The following UBE2K variants were observed in gnomAD, a reference collection of about 807,000 sequenced individuals.
The protein encoded by UBE2K is ubiquitin-conjugating enzyme E2 K.
Under a neutral mutation model 30.0 loss-of-function variants are expected in UBE2K, and 6 were observed. That is an observed-to-expected ratio of 0.20 (90% CI 0.11 to 0.39). UBE2K has a LOEUF of 0.39. Ranked by LOEUF, UBE2K falls within the 10% of genes least tolerant of loss-of-function variation. UBE2K has a pLI of 1.00. For synonymous variants in UBE2K, 86 were observed against 83.7 expected (o/e 1.03, Z -0.15); for missense variants, 61 against 241.6 (o/e 0.25, Z 4.96).
rs932828852 is a variant in UBE2K, at chr4:39,745,733, G to A, written c.158-19G>A. 5.1e-6 allele frequency: 8 copies of A among 1,570,424 alleles called. No homozygotes were observed. Among genetic ancestry groups the A allele is most frequent in the Non-Finnish European group, 7.0e-6 (8 of 1,147,218 alleles). ...TGAATTGAGCAGCATTCTTAACTTT[G>A]TTTTCCCCATTTTTTTAGGAGGAAG... On this transcript the variant is annotated intron_variant, in intron 2 of 6. Transcript: ENST00000261427.
chr4:39,731,550 C>T (rs145848361), intron 1 of UBE2K, among the ~76,000 whole-genome samples: 2,832 of 151,930 alleles, frequency 0.019, 97 homozygotes, highest in African/African-American at 0.064. Context: ...GGCGTGGTGG[C>T]GGGCGCCTGT....
At chr4:39,712,130 C>T (rs1174502496) in intron 1 of UBE2K, among the ~76,000 whole-genome samples, 1 of 150,560 alleles carries the variant, frequency 6.6e-6, no homozygotes, top group Non-Finnish European at 1.5e-5. Flanking sequence ...AACCGCCCCC[C>T]CTTTTTTTTT....
intron 1 of UBE2K, among the ~76,000 whole-genome samples, chr4:39,704,331 A>G (rs952479243): frequency 2.6e-5 from 4 of 151,968 alleles, no homozygotes; most frequent in Non-Finnish European, 5.9e-5. Flanking sequence ...AAGTTATGTA[A>G]GTTACAGTTT....
At chr4:39,756,847 C>T (rs1376249231) in intron 4 of UBE2K, among the ~76,000 whole-genome samples, 1 of 152,018 alleles carries the variant, frequency 6.6e-6, no homozygotes, top group Admixed American at 6.6e-5. Context: ...TACTCTTTTA[C>T]AAGAGAAGGT....
At chr4:39,762,928 A>T (rs1000658551) in intron 4 of UBE2K, among the ~76,000 whole-genome samples, 2 of 145,684 alleles carry the variant, frequency 1.4e-5, no homozygotes, top group East Asian at 4.2e-4. Flanking sequence ...GCACCCGGCC[A>T]AAAAACACTT....
rs201642517 is a variant in UBE2K, at chr4:39,771,477, G to GT, written c.300-3348dup. 2,538 of 1,482,562 alleles carry GT rather than the reference G, an allele frequency of 1.7e-3. 23 individuals are homozygous for GT. The African/African-American group carries it at 0.025, about 14-fold the overall frequency. The allele number at this position is 1,482,562 out of a possible 1,614,324, so 91.8% of individuals were successfully genotyped here. On this transcript the variant is annotated intron_variant, in intron 4 of 6. Coordinates refer to ENST00000261427, the MANE Select transcript of UBE2K (RefSeq NM_005339.5). The stretch of plus-strand genomic sequence containing the variant: ...CAACCCTGGCCCGGTTCCGCGCGCT[G>GT]TTTTTTTTTAATCCCCTATTTTCCC...
intron 1 of UBE2K, among the ~76,000 whole-genome samples, chr4:39,731,171 G>A (rs913625227): frequency 5.3e-5 from 8 of 152,092 alleles, no homozygotes; most frequent in African/African-American, 1.9e-4. Flanking sequence ...GGGATTACAG[G>A]CATGAGCCAC....
chr4:39,737,040 G>T (rs1481428947), intron 1 of UBE2K, among the ~76,000 whole-genome samples: 1 of 152,166 alleles, frequency 6.6e-6, no homozygotes, highest in African/African-American at 2.4e-5. Context: ...TATCGTGGGG[G>T]TATAGTGCAG....
intron 3 of UBE2K, among the ~76,000 whole-genome samples, chr4:39,747,555 A>G (rs1033126596): frequency 1.3e-5 from 2 of 152,220 alleles, no homozygotes; most frequent in Non-Finnish European, 2.9e-5. Context: ...ATACTCCATT[A>G]TAAGTATAGA....
chr4:39,724,347 C>T (rs1719607650), intron 1 of UBE2K, among the ~76,000 whole-genome samples: 1 of 151,886 alleles, frequency 6.6e-6, no homozygotes, highest in African/African-American at 2.4e-5. Flanking sequence ...TGGGTGAATC[C>T]TCCTGCCTTG....
At chr4:39,699,924 A>G (rs1436349586) in intron 1 of UBE2K, among the ~76,000 whole-genome samples, 1 of 152,210 alleles carries the variant, frequency 6.6e-6, no homozygotes. Context: ...AAATAGAGTC[A>G]TAAGTGTCTG....
intron 4 of UBE2K, among the ~76,000 whole-genome samples, chr4:39,767,152 C>G (rs1164778698): frequency 6.6e-6 from 1 of 152,144 alleles, no homozygotes; most frequent in African/African-American, 2.4e-5. Flanking sequence ...TTGCCAAATT[C>G]AGTGTCATGA....
chr4:39,752,527 G>A (rs1047655653), intron 3 of UBE2K, among the ~76,000 whole-genome samples: 5 of 151,718 alleles, frequency 3.3e-5, no homozygotes, highest in African/African-American at 7.3e-5. Flanking sequence ...TAGTAGAGAC[G>A]GGGTTTCACC....
chr4:39,744,645 G>A (rs1242338181), intron 2 of UBE2K, among the ~76,000 whole-genome samples: 2 of 151,352 alleles, frequency 1.3e-5, no homozygotes, highest in South Asian at 2.1e-4. Flanking sequence ...AGTGGCTCAC[G>A]CCTGTGATCC....
intron 4 of UBE2K, chr4:39,771,293 C>T (rs1442580700): frequency 7.8e-5 from 125 of 1,611,866 alleles, no homozygotes; most frequent in Admixed American, 1.2e-4. Context: ...GCTAAGATGA[C>T]CTTGTGGCCT....
intron 4 of UBE2K, among the ~76,000 whole-genome samples, chr4:39,771,746 C>T (rs1467438726): frequency 1.3e-5 from 2 of 152,162 alleles, no homozygotes; most frequent in Non-Finnish European, 2.9e-5. Flanking sequence ...GAGAAAACTT[C>T]CCAAGGGATG....
chr4:39,698,452 G>T, intron 1 of UBE2K, 62 bp downstream of exon 1: 2 of 1,498,986 alleles, frequency 1.3e-6, no homozygotes. Flanking sequence ...CCTCCCAGCT[G>T]CGACCCCGAT....
intron 4 of UBE2K, among the ~76,000 whole-genome samples, chr4:39,762,295 C>G (rs1360944736): frequency 1.3e-5 from 2 of 152,184 alleles, no homozygotes; most frequent in African/African-American, 4.8e-5. Flanking sequence ...CACCTGGCCT[C>G]AAGTGATCCT....
At chr4:39,722,319 G>A (rs1019641963) in intron 1 of UBE2K, among the ~76,000 whole-genome samples, 34 of 151,958 alleles carry the variant, frequency 2.2e-4, no homozygotes, top group Middle Eastern at 3.2e-3. Flanking sequence ...AAACATTTTG[G>A]TAAGAAGATC....
Sources: allele counts gnomAD v4.1 joint callset (sites outside exome capture counted in the v4.1 genomes callset), GRCh38; gene constraint gnomAD v4.1.1; transcripts MANE v1.5; gene names NCBI Gene and HGNC (gene_info 2026-07-23, HGNC 2026-07-21).